Variants in CACNA2D2 observed in about 807,000 individuals in gnomAD.
The protein encoded by CACNA2D2 is calcium voltage-gated channel auxiliary subunit alpha2delta 2.
In CACNA2D2, 48 loss-of-function variants were observed where a neutral mutation model predicts 166.4. That is an observed-to-expected ratio of 0.29 (90% CI 0.23 to 0.37). The LOEUF (loss-of-function observed/expected upper bound fraction) is 0.37. Ranked by LOEUF, CACNA2D2 falls within the 10% of genes least tolerant of loss-of-function variation. The pLI is 1.00. For synonymous variants in CACNA2D2, 561 were observed against 573.7 expected, an observed-to-expected ratio of 0.98 and a Z score of 0.32; for missense variants, 1,122 against 1,433.0, an observed-to-expected ratio of 0.78 and a Z score of 3.50.
intron 23 of CACNA2D2, 73 bp downstream of exon 23, chr3:50,370,247 C>T: frequency 1.0e-6 from 1 of 992,020 alleles, no homozygotes; most frequent in Non-Finnish European, 1.6e-6. Context: ...GAGCTCCAGG[C>T]AGCAGTGCAG....
intron 1 of CACNA2D2, among the ~76,000 whole-genome samples, chr3:50,501,530 G>C (rs1016802324): frequency 2.0e-4 from 30 of 152,328 alleles, no homozygotes; most frequent in African/African-American, 7.2e-4. Flanking sequence ...TGGGGACAGA[G>C]GGATAGGTGC....
chr3:50,376,418 G>T lies in CACNA2D2; in HGVS notation c.1627-230C>A, dbSNP rs1553728746. On this transcript the variant is annotated intron_variant, in intron 17 of 37. Coordinates refer to ENST00000424201, the MANE Select transcript of CACNA2D2 (RefSeq NM_006030.4). This position sits in a 1 kb window ranked among gnomAD's most constrained non-coding sequence, Gnocchi z 4.3. ...GCCAAGGCTAACCGGCGTGTGGGCT[G>T]CTGCTCTGCAGTCCTCATCCTCTCC... Among the ~76,000 whole-genome samples the T allele has an allele frequency of 6.6e-6, 1 of 152,178 alleles. No individual in the cohort carries two copies. The highest frequency in any genetic ancestry group is 2.4e-5 in the African/African-American group (1 of 41,440).
At chr3:50,486,951 G>A (rs1051551508) in intron 1 of CACNA2D2, among the ~76,000 whole-genome samples, 1 of 152,244 alleles carries the variant, frequency 6.6e-6, no homozygotes, top group African/African-American at 2.4e-5. Flanking sequence ...AGGCAGCCAA[G>A]CACCAGGGAA....
At chr3:50,377,942 G>T in intron 15 of CACNA2D2, 66 bp downstream of exon 15, 2 of 1,550,228 alleles carry the variant, frequency 1.3e-6, no homozygotes, top group Non-Finnish European at 1.8e-6. Context: ...CCAGGGTCTT[G>T]ACCCTGTGGG....
chr3:50,464,141 C>T (rs751145353), intron 2 of CACNA2D2, among the ~76,000 whole-genome samples: 1 of 152,206 alleles, frequency 6.6e-6, no homozygotes, highest in African/African-American at 2.4e-5. Context: ...CCCCAGCGAC[C>T]CAAGAACCTG....
chr3:50,431,011 G>A (rs1575675163), intron 3 of CACNA2D2, among the ~76,000 whole-genome samples: 1 of 152,152 alleles, frequency 6.6e-6, no homozygotes, highest in East Asian at 1.9e-4. Context: ...ACATCTGATT[G>A]TCCCTGATTA....
intron 1 of CACNA2D2, among the ~76,000 whole-genome samples, chr3:50,499,183 G>C (rs1698852540): frequency 6.6e-6 from 1 of 152,212 alleles, no homozygotes; most frequent in Non-Finnish European, 1.5e-5. Context: ...GCCCAGAGCT[G>C]GGATGGGAAG....
In CACNA2D2 at chr3:50,365,673, C is replaced by G; in HGVS notation, c.2931G>C (p.Gln977His). The G allele has an allele frequency of 6.3e-7, 1 of 1,585,794 alleles. No individual in the cohort carries two copies. Among genetic ancestry groups the G allele is most frequent in the Non-Finnish European group, 8.6e-7 (1 of 1,166,356 alleles). ...TGTGGTAGATGAGGCCGTAGAGAAGCTGCTGGAACAGGGACCTGCAGCGCA... is the reference window on the plus strand; with the variant it reads ...TGTGGTAGATGAGGCCGTAGAGAAGGTGCTGGAACAGGGACCTGCAGCGCA... ...TSAAAWSLFQ[Q>H]LLYGLIYHSW... Residue 977 changes from glutamine to histidine, a missense_variant, in exon 34 of 38, where the codon CAG becomes CAC. Transcript: ENST00000424201. This position sits in a 1 kb window ranked among gnomAD's most constrained non-coding sequence, Gnocchi z 4.5.
intron 1 of CACNA2D2, among the ~76,000 whole-genome samples, chr3:50,494,235 C>G (rs962356374): frequency 4.0e-5 from 6 of 151,852 alleles, no homozygotes; most frequent in Non-Finnish European, 8.8e-5. Context: ...TCTCTTTTCT[C>G]ATAACTGAAG....
At position 50,380,832 on chromosome 3, in the gene CACNA2D2, A is replaced by G; in HGVS notation, c.785-27T>C. 1 of 1,538,872 alleles carries G rather than the reference A, an allele frequency of 6.5e-7. No individual in the cohort carries two copies. Among genetic ancestry groups the G allele is most frequent in the South Asian group, 1.3e-5 (1 of 79,622 alleles). On this transcript the variant is annotated intron_variant, in intron 7 of 37. Transcript: ENST00000424201. This position sits in a 1 kb window ranked among gnomAD's most constrained non-coding sequence, Gnocchi z 4.9. Reference sequence around the variant, plus strand: ...TGAGGGAGGAGAGAAGGTGAGGGGGACTGGCAGGAAAGGGCTGGCCTGGGT... The same window carrying G: ...TGAGGGAGGAGAGAAGGTGAGGGGGGCTGGCAGGAAAGGGCTGGCCTGGGT...
rs1291175851 is a variant in CACNA2D2, at chr3:50,380,984, C to A, written c.784+11G>T. On this transcript the variant is annotated intron_variant, in intron 7 of 37. Transcript: ENST00000424201. This position sits in a 1 kb window ranked among gnomAD's most constrained non-coding sequence, Gnocchi z 4.9. ...GTGCTGGGTAGACAGGGGACAGGGGCTGGTACCTACCCGGGTAGTAGCGAG... is the reference window on the plus strand; with the variant it reads ...GTGCTGGGTAGACAGGGGACAGGGGATGGTACCTACCCGGGTAGTAGCGAG... The A allele has an allele frequency of 3.7e-6, 6 of 1,613,476 alleles. No homozygotes were observed. In the African/African-American group the frequency reaches 8.0e-5, roughly 22 times the overall value.
intron 6 of CACNA2D2, among the ~76,000 whole-genome samples, chr3:50,381,981 TACACACACACAC>T (rs34662551): frequency 5.2e-5 from 7 of 133,348 alleles, no homozygotes; most frequent in Non-Finnish European, 7.9e-5. Context: ...GATCTATCCC[TACACACACACAC>T]ACACACACAC....
intron 2 of CACNA2D2, among the ~76,000 whole-genome samples, chr3:50,441,743 G>A (rs1241908590): frequency 1.3e-5 from 2 of 152,270 alleles, no homozygotes; most frequent in Admixed American, 1.3e-4. Context: ...CCTGACTTGA[G>A]GCCTCCAGTG....
intron 1 of CACNA2D2, among the ~76,000 whole-genome samples, chr3:50,487,688 C>T (rs1237425223): frequency 2.6e-5 from 4 of 152,168 alleles, no homozygotes; most frequent in South Asian, 2.1e-4. Context: ...TTTCTAGCCT[C>T]CCCAATCCGA....
chr3:50,455,187 C>A (rs1173617345), intron 2 of CACNA2D2, among the ~76,000 whole-genome samples: 1 of 152,210 alleles, frequency 6.6e-6, no homozygotes, highest in East Asian at 1.9e-4. Context: ...GCCCCCTGCA[C>A]ACACACACCC....
At position 50,376,125 on chromosome 3, in the gene CACNA2D2, G is replaced by C. The variant is rs959937811; in HGVS notation, c.1690C>G (p.Leu564Val). The stretch of plus-strand genomic sequence containing the variant: ...CCCGTCTGGCTCACCTGGGGCTTGA[G>C]ATTGGGGTGCAGCAACACGTAGCCG... ...LNGYVLLHPN[L>V]KPQTTNFREP... The change falls in exon 18 of 38, where the codon CTC becomes GTC. Residue 564 changes from leucine to valine, a missense_variant. Leu to Val is a conservative substitution (Grantham distance 32). Transcript: ENST00000424201. The surrounding 1 kb of genome is among the most constrained non-coding windows in gnomAD (Gnocchi z 4.3). 29 of 1,613,484 alleles carry C rather than the reference G, an allele frequency of 1.8e-5. No homozygotes were observed. Among genetic ancestry groups the C allele is most frequent in the Non-Finnish European group, 2.4e-5 (28 of 1,180,002 alleles).
chr3:50,373,659 A>G (rs1575594298), intron 22 of CACNA2D2, among the ~76,000 whole-genome samples: 4 of 97,956 alleles, frequency 4.1e-5, no homozygotes, highest in Non-Finnish European at 4.2e-5. Context: ...AGGGAGGGAG[A>G]GTGAGAGAGA....
rs762991311 is a variant in CACNA2D2, at chr3:50,377,711, C to T, written c.1551+21G>A. 2.5e-6 allele frequency: 4 copies of T among 1,606,686 alleles called. No homozygotes were observed. In the South Asian group the frequency reaches 4.5e-5, roughly 18 times the overall value. Reference sequence around the variant, plus strand: ...TTCCTCCCCAGGCACACCCATAGCCCCAACCCTCCCCTTTCCTCACCTTCT... The same window carrying T: ...TTCCTCCCCAGGCACACCCATAGCCTCAACCCTCCCCTTTCCTCACCTTCT... On this transcript the variant is annotated intron_variant, in intron 16 of 37. Coordinates refer to ENST00000424201, the MANE Select transcript of CACNA2D2 (RefSeq NM_006030.4).
chr3:50,500,003 G>A (rs1324226530), intron 1 of CACNA2D2, among the ~76,000 whole-genome samples: 1 of 152,316 alleles, frequency 6.6e-6, no homozygotes, highest in East Asian at 1.9e-4. Context: ...GCTGAGGCAG[G>A]TTTTTGGGAA....
Sources: allele counts gnomAD v4.1 joint callset (sites outside exome capture counted in the v4.1 genomes callset), GRCh38; gene constraint gnomAD v4.1.1; non-coding constraint Gnocchi (gnomAD v3.1); transcripts MANE v1.5; gene names NCBI Gene and HGNC (gene_info 2026-07-23, HGNC 2026-07-21).